Variants in ZEB1 observed in about 807,000 individuals in gnomAD.
The protein encoded by ZEB1 is zinc finger E-box binding homeobox 1.
A neutral mutation model predicts 84.9 loss-of-function variants in ZEB1; 21 were observed. The observed-to-expected ratio is 0.25, with a 90% CI of 0.18 to 0.36. ZEB1 has a LOEUF of 0.36. Ranked by LOEUF, ZEB1 falls within the 10% of genes least tolerant of loss-of-function variation. The pLI, the probability that ZEB1 is intolerant of heterozygous loss-of-function variation, is 1.00. For synonymous variants in ZEB1, 420 were observed against 471.1 expected, an observed-to-expected ratio of 0.89 and a Z score of 1.41; for missense variants, 1,104 against 1,330.2, an observed-to-expected ratio of 0.83 and a Z score of 2.65.
chr10:31,463,203 T>G (rs1344001200), intron 2 of ZEB1, among the ~76,000 whole-genome samples: 2 of 151,978 alleles, frequency 1.3e-5, no homozygotes, highest in Non-Finnish European at 2.9e-5. Flanking sequence ...GCAATAAGAA[T>G]AAGGTAGATG....
chr10:31,429,769 G>A (rs979149637), intron 1 of ZEB1, among the ~76,000 whole-genome samples: 1 of 104,102 alleles, frequency 9.6e-6, no homozygotes, highest in African/African-American at 4.2e-5. Context: ...TTGAGACGAA[G>A]TCTCACTCTT....
chr10:31,423,872 G>A (rs1408792274), intron 1 of ZEB1, among the ~76,000 whole-genome samples: 4 of 152,036 alleles, frequency 2.6e-5, no homozygotes, highest in Non-Finnish European at 5.9e-5. Context: ...TCTAATTTCA[G>A]CAGATAATCA....
intron 1 of ZEB1, among the ~76,000 whole-genome samples, chr10:31,328,249 G>A (rs1040277055): frequency 6.6e-6 from 1 of 152,124 alleles, no homozygotes; most frequent in Non-Finnish European, 1.5e-5. Context: ...AGAGGAACAA[G>A]TATAGCAGTT....
intron 2 of ZEB1, among the ~76,000 whole-genome samples, chr10:31,479,270 A>T (rs761734871): frequency 6.6e-6 from 1 of 151,932 alleles, no homozygotes; most frequent in Non-Finnish European, 1.5e-5. Flanking sequence ...ACAAGTCAAG[A>T]TGAGATGGCT....
chr10:31,495,851 G>A lies in ZEB1; in HGVS notation c.322+13G>A, dbSNP rs578116396. On this transcript the variant is annotated intron_variant, in intron 3 of 8. Transcript: ENST00000424869. ...GCAGGATGTACAGGTACTCTGCTGC[G>A]ACTTTCTTTCATACCATAGCCTTTA... The A allele has an allele frequency of 4.3e-6, 7 of 1,612,648 alleles. No homozygotes were observed. The South Asian group carries it at 7.7e-5, about 18-fold the overall frequency.
intron 2 of ZEB1, among the ~76,000 whole-genome samples, chr10:31,467,340 G>A (rs145374480): frequency 1.3e-5 from 2 of 151,966 alleles, no homozygotes; most frequent in South Asian, 2.1e-4. Flanking sequence ...ACCCACCCCC[G>A]AGTGCCCTGC....
At chr10:31,442,563 A>G (rs532089521) in intron 1 of ZEB1, among the ~76,000 whole-genome samples, 5 of 142,276 alleles carry the variant, frequency 3.5e-5, no homozygotes, top group African/African-American at 1.5e-4. Context: ...TATAATAATA[A>G]TAATAAAAAA....
At position 31,360,137 on chromosome 10, in the gene ZEB1, G is replaced by A. The variant is rs377741611; in HGVS notation, c.58+40845G>A. Among the ~76,000 whole-genome samples, 5 of 152,138 alleles carry A rather than the reference G, an allele frequency of 3.3e-5. No homozygotes were observed. In the South Asian group the frequency reaches 8.3e-4, roughly 25 times the overall value. On this transcript the variant is annotated intron_variant, in intron 1 of 8. Coordinates refer to ENST00000424869, the MANE Select transcript of ZEB1 (RefSeq NM_001174096.2). ...AAAGTACTTGGACTTTACAATGTTTGCTTTTACTTCACTAAGTCCTGCCCT... is the reference window on the plus strand; with the variant it reads ...AAAGTACTTGGACTTTACAATGTTTACTTTTACTTCACTAAGTCCTGCCCT...
intron 1 of ZEB1, chr10:31,374,946 C>T (rs1409425039): frequency 6.6e-6 from 1 of 151,566 alleles, no homozygotes; most frequent in Non-Finnish European, 1.5e-5. Context: ...AAAATTGTTA[C>T]ATGCAGACAT....
intron 2 of ZEB1, among the ~76,000 whole-genome samples, chr10:31,464,278 G>A (rs779124173): frequency 2.0e-5 from 3 of 151,954 alleles, no homozygotes; most frequent in East Asian, 1.9e-4. Flanking sequence ...GCGTGAACCC[G>A]GGAGGCAGAG....
At position 31,521,346 on chromosome 10, in the gene ZEB1, C is replaced by T; in HGVS notation, c.2014C>T (p.Gln672Ter). Residue 672 changes from glutamine to a stop codon, truncating the protein, a stop_gained, in exon 7 of 9, where the codon CAG (glutamine) becomes TAG (stop). Coordinates refer to ENST00000424869, the MANE Select transcript of ZEB1 (RefSeq NM_001174096.2). LOFTEE classifies it high-confidence loss of function. Reference protein sequence around the residue: ...QPQSANANEPQDSTVNLQSPL... With the variant: ...QPQSANANEP ...TCAATCTGCAAATGCAAATGAACCC[C>T]AGGACAGCACAGTAAATCTACAAAG... is the stretch of plus-strand genomic sequence containing the variant. 6.2e-7 allele frequency: 1 copy of T among 1,614,066 alleles called. No individual in the cohort carries two copies.
intron 1 of ZEB1, among the ~76,000 whole-genome samples, chr10:31,351,560 A>G (rs1472476942): frequency 1.3e-5 from 2 of 152,076 alleles, no homozygotes; most frequent in South Asian, 2.1e-4. Context: ...ATTACGCTAG[A>G]TTATTTTCTC....
chr10:31,502,951 G>A (rs140114652), intron 4 of ZEB1, among the ~76,000 whole-genome samples: 74 of 152,188 alleles, frequency 4.9e-4, no homozygotes, highest in African/African-American at 1.7e-3. Flanking sequence ...AATAGTCAGC[G>A]TACAGAGTGT....
intron 1 of ZEB1, among the ~76,000 whole-genome samples, chr10:31,397,047 G>A (rs1285187067): frequency 6.9e-6 from 1 of 144,878 alleles, no homozygotes; most frequent in Admixed American, 6.9e-5. Flanking sequence ...ATGGAGTCTC[G>A]CTCTGTCACC....
intron 1 of ZEB1, among the ~76,000 whole-genome samples, chr10:31,345,230 C>A (rs2040096839): frequency 6.6e-6 from 1 of 151,984 alleles, no homozygotes; most frequent in African/African-American, 2.4e-5. Flanking sequence ...TTAAATCACT[C>A]CATTTGTCAG....
intron 2 of ZEB1, among the ~76,000 whole-genome samples, chr10:31,466,201 T>C (rs1339108233): frequency 6.6e-6 from 1 of 152,136 alleles, no homozygotes; most frequent in Non-Finnish European, 1.5e-5. Flanking sequence ...CTTTCAATAA[T>C]GGAGAAATCA....
intron 1 of ZEB1, among the ~76,000 whole-genome samples, chr10:31,402,251 T>A (rs2052185760): frequency 6.6e-6 from 1 of 151,998 alleles, no homozygotes; most frequent in Non-Finnish European, 1.5e-5. Flanking sequence ...AAAGAAAGTA[T>A]AAATGTAAGG....
chr10:31,523,177 A>G (rs1026113869), intron 7 of ZEB1, among the ~76,000 whole-genome samples: 2 of 152,214 alleles, frequency 1.3e-5, no homozygotes, highest in Non-Finnish European at 2.9e-5. Flanking sequence ...AACACTCTAG[A>G]TAAGGTAGGA....
intron 2 of ZEB1, among the ~76,000 whole-genome samples, chr10:31,465,951 A>C (rs371452965): frequency 3.3e-5 from 5 of 152,238 alleles, no homozygotes; most frequent in Admixed American, 2.6e-4. Flanking sequence ...TGTTCCATGT[A>C]AGTGGAACCA....
Sources: allele counts gnomAD v4.1 joint callset (sites outside exome capture counted in the v4.1 genomes callset), GRCh38; gene constraint gnomAD v4.1.1; transcripts MANE v1.5; gene names NCBI Gene and HGNC (gene_info 2026-07-23, HGNC 2026-07-21).